The following TGM2 variants were observed in gnomAD, a reference collection of about 807,000 sequenced individuals.
The protein encoded by TGM2 is protein-glutamine gamma-glutamyltransferase 2.
Under a neutral mutation model 75.6 loss-of-function variants are expected in TGM2, and 53 were observed. The observed-to-expected ratio is 0.70, with a 90% CI of 0.56 to 0.88. TGM2 has a LOEUF of 0.88. Ranked by LOEUF, TGM2 falls within the 40% of genes least tolerant of loss-of-function variation. The pLI is 0.00. For missense variants in TGM2, 842 were observed against 928.5 expected (o/e 0.91, Z 1.21); for synonymous variants, 374 against 381.1 (o/e 0.98, Z 0.22).
At chr20:38,162,116 C>A (rs546589218) in intron 1 of TGM2, among the ~76,000 whole-genome samples, 1 of 152,330 alleles carries the variant, frequency 6.6e-6, no homozygotes, top group South Asian at 2.1e-4. Context: ...CCAGCTTTGC[C>A]TAAATCTTTT....
chr20:38,137,250 C>A (rs554174345), intron 10 of TGM2, among the ~76,000 whole-genome samples: 2 of 152,010 alleles, frequency 1.3e-5, no homozygotes, highest in South Asian at 4.1e-4. Flanking sequence ...TTTGGGAGGC[C>A]GAGGCAGGTA....
At position 38,146,884 on chromosome 20, in the gene TGM2, T is replaced by C; in HGVS notation, c.692A>G (p.Asn231Ser). The C allele has an allele frequency of 1.9e-6, 3 of 1,613,116 alleles. No homozygotes were observed. Among genetic ancestry groups the C allele is most frequent in the South Asian group, 1.1e-5 (1 of 91,054 alleles). Residue 231 changes from asparagine to serine, a missense_variant, in exon 6 of 13, where the codon AAC becomes AGC. Physicochemically the swap from Asn to Ser is conservative, Grantham distance 46. Coordinates refer to ENST00000361475, the MANE Select transcript of TGM2 (RefSeq NM_004613.4). ...TCCCAGCAGCACACCCTGGTCATCG[T>C]TGCAGTTGACCTGCAACCAGTGGGG... ...GRVVSGMVNC[N>S]DDQGVLLGRW...
At position 38,165,202 on chromosome 20, in the gene TGM2, C is replaced by T. The variant is rs764629321; in HGVS notation, c.-4G>A. 10 of 1,613,332 alleles carry T rather than the reference C, an allele frequency of 6.2e-6. No homozygotes were observed. The highest frequency in any genetic ancestry group is 1.6e-4 in the Middle Eastern group (1 of 6,062). On this transcript the variant is annotated 5_prime_UTR_variant, in exon 1 of 13. Transcript: ENST00000361475. ...TCTGATACTCACCCTCGGCCATGGT[C>T]GGGCGGGGGCGGTGGCTCCTTCCAC... is the stretch of plus-strand genomic sequence containing the variant.
intron 6 of TGM2, among the ~76,000 whole-genome samples, chr20:38,144,463 G>A (rs1486675693): frequency 6.6e-6 from 1 of 152,158 alleles, no homozygotes; most frequent in Non-Finnish European, 1.5e-5. Context: ...ATCAGTGCTG[G>A]CTGATTCATG....
intron 6 of TGM2, among the ~76,000 whole-genome samples, chr20:38,143,464 TGCCAAC>T (rs2075003452): frequency 6.6e-6 from 1 of 152,212 alleles, no homozygotes; most frequent in Non-Finnish European, 1.5e-5. Flanking sequence ...CCTGCATACC[TGCCAAC>T]GCCCTGTTTG....
upstream of TGM2, among the ~76,000 whole-genome samples, chr20:38,166,083 CACATGCAGGCATGGACTCAGGTACAG>C (rs1470796496): frequency 6.6e-6 from 1 of 152,190 alleles, no homozygotes; most frequent in Non-Finnish European, 1.5e-5. Flanking sequence ...GAGGTAGACA[CACATGCAGGCATGGACTCAGGTACAG>C]ACATGCAGAC....
upstream of TGM2, chr20:38,165,471 G>A: frequency 3.6e-6 from 2 of 561,020 alleles, no homozygotes; most frequent in South Asian, 4.2e-5. Flanking sequence ...GAGCGGACAG[G>A]GACACACAAC....
At chr20:38,141,751 C>A (rs2074978287) in intron 7 of TGM2, among the ~76,000 whole-genome samples, 1 of 150,642 alleles carries the variant, frequency 6.6e-6, no homozygotes, top group Non-Finnish European at 1.5e-5. Context: ...TCCCCTCTAG[C>A]CCTCCTGGCA....
intron 10 of TGM2, chr20:38,132,923 G>C (rs762899189): frequency 1.1e-5 from 5 of 450,276 alleles, no homozygotes; most frequent in South Asian, 7.8e-5. Context: ...CTTCATCCTG[G>C]GGAGGATCAG....
chr20:38,137,469 C>A (rs567623224), intron 10 of TGM2, among the ~76,000 whole-genome samples: 3 of 152,244 alleles, frequency 2.0e-5, no homozygotes, highest in African/African-American at 7.2e-5. Context: ...AATAAAAAAA[C>A]AAGCAAACAA....
At position 38,130,172 on chromosome 20, in the gene TGM2, A is replaced by AT; in HGVS notation, c.*46dup. 6.2e-7 allele frequency: 1 copy of AT among 1,610,530 alleles called. No homozygotes were observed. The highest frequency in any genetic ancestry group is 8.5e-7 in the Non-Finnish European group (1 of 1,179,030). ...TTTTGCTCACTAGCTTGGGATAAGG[A>AT]TTGGGATCAAGGTGGGGGCTCTCAG... On this transcript the variant is annotated 3_prime_UTR_variant, in exon 13 of 13. Coordinates refer to ENST00000361475, the MANE Select transcript of TGM2 (RefSeq NM_004613.4).
intron 3 of TGM2, among the ~76,000 whole-genome samples, chr20:38,154,698 GGA>G (rs1458699961): frequency 6.6e-6 from 1 of 152,186 alleles, no homozygotes; most frequent in Admixed American, 6.5e-5. Flanking sequence ...TAGTGTATAA[GGA>G]GGCAGCTGGA....
intron 4 of TGM2, among the ~76,000 whole-genome samples, chr20:38,149,463 G>T (rs1213378265): frequency 2.0e-5 from 3 of 152,050 alleles, no homozygotes; most frequent in Non-Finnish European, 4.4e-5. Context: ...GGATCACGAG[G>T]TCAGGAGATC....
chr20:38,150,828 G>T, intron 4 of TGM2, 111 bp downstream of exon 4: 1 of 853,766 alleles, frequency 1.2e-6, no homozygotes, highest in Non-Finnish European at 2.0e-6. Context: ...AGCATGAAGT[G>T]GGTGACTCTG....
intron 1 of TGM2, 77 bp from the exon 2 acceptor site, chr20:38,161,676 C>T (rs1733255161): frequency 1.9e-6 from 3 of 1,542,502 alleles, no homozygotes; most frequent in East Asian, 2.2e-5. Context: ...CCTCCCTAGA[C>T]ATGGGGGCCT....
chr20:38,146,611 T>G, intron 6 of TGM2, 106 bp downstream of exon 6: 11 of 1,367,490 alleles, frequency 8.0e-6, no homozygotes, highest in Non-Finnish European at 1.1e-5. Context: ...ATTGAGAGTG[T>G]TGGTGGCAGG....
At position 38,130,354 on chromosome 20, in the gene TGM2, C is replaced by A; in HGVS notation, c.1929G>T (p.Glu643Asp). 2 of 1,595,332 alleles carry A rather than the reference C, an allele frequency of 1.3e-6. No individual in the cohort carries two copies. The highest frequency in any genetic ancestry group is 1.7e-6 in the Non-Finnish European group (2 of 1,171,588). ...QKTVEIPDPV[E>D]AGEEVKVRMD... Reference sequence around the variant, plus strand: ...TTCTCACCTTAACTTCCTCCCCTGCCTCCACGGGGTCTGGGCTGCAGGGAG... The same window carrying A: ...TTCTCACCTTAACTTCCTCCCCTGCATCCACGGGGTCTGGGCTGCAGGGAG... Residue 643 changes from glutamate to aspartate, a missense_variant, in exon 13 of 13, where the codon GAG (glutamate) becomes GAT (aspartate). Transcript: ENST00000361475.
chr20:38,148,139 C>T (rs767749620), intron 4 of TGM2, 50 bp from the exon 5 acceptor site: 6 of 1,612,204 alleles, frequency 3.7e-6, no homozygotes, highest in Non-Finnish European at 5.1e-6. Flanking sequence ...AAGGCACCTC[C>T]TCCAGGAAGC....
At chr20:38,140,438 C>G (rs2074957624) in intron 8 of TGM2, among the ~76,000 whole-genome samples, 1 of 152,216 alleles carries the variant, frequency 6.6e-6, no homozygotes, top group Admixed American at 6.5e-5. Context: ...CGGATCCCCC[C>G]AAGGCACTAC....
Sources: allele counts gnomAD v4.1 joint callset (sites outside exome capture counted in the v4.1 genomes callset), GRCh38; gene constraint gnomAD v4.1.1; transcripts MANE v1.5; gene names NCBI Gene and HGNC (gene_info 2026-07-23, HGNC 2026-07-21).